The following RMDN2 variants were observed in gnomAD, a reference collection of about 807,000 sequenced individuals.
The protein encoded by RMDN2 is regulator of microtubule dynamics protein 2.
In RMDN2, 61 loss-of-function variants were observed where a neutral mutation model predicts 52.8. The observed-to-expected ratio is 1.16, with a 90% CI of 0.94 to 1.43. The LOEUF (loss-of-function observed/expected upper bound fraction) is 1.43, where lower values mean the gene tolerates loss of function less well. Among genes scored for constraint, RMDN2 ranks in the 40% most tolerant of loss-of-function variants. RMDN2 has a pLI of 0.00. For synonymous variants in RMDN2, 180 were observed against 153.1 expected, an observed-to-expected ratio of 1.18 and a Z score of -1.30; for missense variants, 592 against 475.3, an observed-to-expected ratio of 1.25 and a Z score of -2.28.
At chr2:37,951,647 T>G (rs746789696) in intron 2 of RMDN2, 3 of 1,613,422 alleles carry the variant, frequency 1.9e-6, no homozygotes, top group Non-Finnish European at 2.5e-6. Context: ...CCATTTTTTT[T>G]GATCCTCAAG....
chr2:37,978,578 CA>C (rs1672874879), intron 4 of RMDN2, among the ~76,000 whole-genome samples: 1 of 152,050 alleles, frequency 6.6e-6, no homozygotes, highest in Non-Finnish European at 1.5e-5. Context: ...GTAATCCCAG[CA>C]CTTTGGGAGG....
chr2:37,952,230 A>G (rs77173073), intron 2 of RMDN2: 84,082 of 1,607,210 alleles, frequency 0.052, 2,562 homozygotes, highest in African/African-American at 0.1. Flanking sequence ...CTCTCTTAGA[A>G]GGGCACCTCA....
At chr2:38,037,057 C>T (rs1036114950) in intron 10 of RMDN2, among the ~76,000 whole-genome samples, 4 of 151,994 alleles carry the variant, frequency 2.6e-5, no homozygotes, top group Admixed American at 6.6e-5. Context: ...GGAAAGGCAG[C>T]GTGATATAAA....
intron 10 of RMDN2, among the ~76,000 whole-genome samples, chr2:38,063,407 T>C (rs980407922): frequency 5.3e-5 from 8 of 152,186 alleles, no homozygotes; most frequent in Admixed American, 3.9e-4. Flanking sequence ...TAATTCAAGA[T>C]GGATTGAAGA....
chr2:37,966,868 T>G (rs906505456), intron 2 of RMDN2, among the ~76,000 whole-genome samples: 10 of 152,152 alleles, frequency 6.6e-5, no homozygotes, highest in Non-Finnish European at 1.2e-4. Context: ...AAAGATCTAG[T>G]TTGAGACACT....
upstream of RMDN2, among the ~76,000 whole-genome samples, chr2:37,924,043 C>T (rs141723600): frequency 1.4e-3 from 211 of 152,288 alleles, no homozygotes; most frequent in African/African-American, 4.8e-3. Context: ...AGCCACTGCG[C>T]CCTGCTACAA....
Position 37,984,382 on chromosome 2 carries a change from A to G in RMDN2, c.791+3039A>G, listed in dbSNP as rs970026717. On this transcript the variant is annotated intron_variant, in intron 5 of 10. Coordinates refer to ENST00000354545, the MANE Select transcript of RMDN2 (RefSeq NM_001170791.3). The stretch of plus-strand genomic sequence containing the variant: ...ATTGGTTGTGCTCTACCCTTTGCAA[A>G]TTATATCCACATGTCTTAGAACATG... Among the ~76,000 whole-genome samples the G allele has an allele frequency of 2.6e-5, 4 of 152,180 alleles. No homozygotes were observed. In the East Asian group the frequency reaches 7.7e-4, roughly 29 times the overall value.
intron 2 of RMDN2, among the ~76,000 whole-genome samples, chr2:37,973,706 G>T (rs966663554): frequency 6.6e-6 from 1 of 152,080 alleles, no homozygotes; most frequent in Admixed American, 6.6e-5. Flanking sequence ...TTATGTGGCT[G>T]TCTAAGGAAA....
At chr2:38,050,653 T>G (rs2125299276) in intron 10 of RMDN2, among the ~76,000 whole-genome samples, 1 of 152,288 alleles carries the variant, frequency 6.6e-6, no homozygotes. Context: ...AAAAGTTGGT[T>G]GAGAGAAGAC....
intron 4 of RMDN2, among the ~76,000 whole-genome samples, chr2:37,980,460 C>T (rs992424713): frequency 2.0e-5 from 3 of 152,034 alleles, no homozygotes; most frequent in Admixed American, 6.6e-5. Flanking sequence ...TGCACCACCA[C>T]GCCCAGCTAA....
intron 2 of RMDN2, chr2:37,951,544 T>A (rs777868708): frequency 1.2e-6 from 2 of 1,612,492 alleles, no homozygotes; most frequent in South Asian, 1.1e-5. Flanking sequence ...TTCACTGATA[T>A]AAAATCTTCC....
intron 10 of RMDN2, among the ~76,000 whole-genome samples, chr2:38,031,189 C>T (rs1680172058): frequency 6.6e-6 from 1 of 151,796 alleles, no homozygotes; most frequent in Admixed American, 6.6e-5. Context: ...ACTTAAGGAA[C>T]CCTTATTTGC....
chr2:38,022,940 G>A (rs1679505136), intron 10 of RMDN2, among the ~76,000 whole-genome samples: 1 of 152,202 alleles, frequency 6.6e-6, no homozygotes, highest in South Asian at 2.1e-4. Context: ...TTGCGTTCCA[G>A]CCCTTGGAAT....
At chr2:37,923,593 C>T (rs1248011058), upstream of RMDN2, among the ~76,000 whole-genome samples, 1 of 152,186 alleles carries the variant, frequency 6.6e-6, no homozygotes, top group East Asian at 1.9e-4. Context: ...CGGTTTATAT[C>T]ATATTGTATT....
At chr2:38,028,400 G>A (rs1026481931) in intron 10 of RMDN2, among the ~76,000 whole-genome samples, 7 of 152,072 alleles carry the variant, frequency 4.6e-5, no homozygotes, top group South Asian at 2.1e-4. Flanking sequence ...TTGCTTCATT[G>A]TATGGCATTA....
intron 10 of RMDN2, chr2:38,039,334 A>G (rs939317213): frequency 5.9e-5 from 9 of 152,122 alleles, no homozygotes; most frequent in South Asian, 2.1e-4. Context: ...CCCGAAGCCC[A>G]TAGATCAGCC....
At chr2:38,005,777 C>A in intron 10 of RMDN2, among the ~76,000 whole-genome samples, 1 of 152,154 alleles carries the variant, frequency 6.6e-6, no homozygotes, top group Non-Finnish European at 1.5e-5. Context: ...AGTCCTTGCC[C>A]ATGCCTATGT....
chr2:37,946,339 G>A (rs1295689833), intron 2 of RMDN2, among the ~76,000 whole-genome samples: 1 of 152,060 alleles, frequency 6.6e-6, no homozygotes, highest in Non-Finnish European at 1.5e-5. Context: ...CCATCTTTTA[G>A]GGTGGAGGTG....
intron 10 of RMDN2, among the ~76,000 whole-genome samples, chr2:38,010,512 G>A (rs773176799): frequency 6.6e-6 from 1 of 152,214 alleles, no homozygotes; most frequent in Non-Finnish European, 1.5e-5. Context: ...CTCCGAGCCA[G>A]GAGAGGGATA....
Sources: gnomAD v4.1 joint callset for allele counts (sites outside exome capture counted in the v4.1 genomes callset) on GRCh38, gnomAD v4.1.1 for gene constraint, MANE v1.5 for transcripts, NCBI Gene and HGNC (gene_info 2026-07-23, HGNC 2026-07-21) for gene names.